Variants in PPP1R13L observed in about 807,000 individuals in gnomAD.
PPP1R13L encodes the protein relA-associated inhibitor.
A neutral mutation model predicts 80.9 loss-of-function variants in PPP1R13L; 50 were observed. That is an observed-to-expected ratio of 0.62 (90% confidence interval 0.49 to 0.78). The LOEUF (loss-of-function observed/expected upper bound fraction) is 0.78, where lower values mean the gene tolerates loss of function less well. Among genes scored for constraint, PPP1R13L ranks in the 30% least tolerant of loss-of-function variants. PPP1R13L has a pLI of 0.00. For missense variants in PPP1R13L, 1,200 were observed against 1,205.9 expected, an observed-to-expected ratio of 1.00 and a Z score of 0.07; for synonymous variants, 602 against 534.3, an observed-to-expected ratio of 1.13 and a Z score of -1.75.
chr19:45,389,881 C>T (rs1266964248), intron 8 of PPP1R13L, among the ~76,000 whole-genome samples: 2 of 151,834 alleles, frequency 1.3e-5, no homozygotes, highest in East Asian at 1.9e-4. Flanking sequence ...CCACAAGCTC[C>T]GCCTCCCGGG....
At chr19:45,387,893 G>A (rs1041838092) in intron 8 of PPP1R13L, among the ~76,000 whole-genome samples, 6 of 152,106 alleles carry the variant, frequency 3.9e-5, no homozygotes, top group Non-Finnish European at 5.9e-5. Flanking sequence ...GGCTGGGTGC[G>A]GTGGCTCATG....
intron 3 of PPP1R13L, 116 bp from the exon 4 acceptor site, chr19:45,397,174 C>G (rs558665152): frequency 4.6e-4 from 395 of 860,322 alleles, no homozygotes; most frequent in Non-Finnish European, 5.8e-4. Flanking sequence ...GGAGGCTGAC[C>G]GGCCATGGAA....
At chr19:45,392,458 T>C in intron 7 of PPP1R13L, 118 bp from the exon 8 acceptor site, 4 of 1,043,184 alleles carry the variant, frequency 3.8e-6, no homozygotes, top group Non-Finnish European at 5.8e-6. Flanking sequence ...TCAGGGAAGT[T>C]CCTTGCCCTC....
In PPP1R13L at chr19:45,396,245, C is replaced by T; in HGVS notation, c.826G>A (p.Ala276Thr). The change falls in exon 6 of 13, where the codon GCA becomes ACA. Residue 276 changes from alanine (A) to threonine (T), a missense_variant. Physicochemically the swap from Ala to Thr is moderately conservative, Grantham distance 58. Transcript: ENST00000360957. The surrounding 1 kb of genome is among the most constrained non-coding windows in gnomAD (Gnocchi z 5.3). ...TASYERLDVF[A>T]RPASPSLQLL... is the part of the protein sequence containing the mutation. ...TGCAGGCTCGGCGAGGCAGGCCTTG[C>T]GAAGACGTCCAGGCCTGCGGGGCGG... 1.2e-6 allele frequency: 2 copies of T among 1,610,224 alleles called. No homozygotes were observed. The highest frequency in any genetic ancestry group is 1.3e-5 in the African/African-American group (1 of 75,002).
chr19:45,404,347 C>T (rs1313973962), intron 1 of PPP1R13L, among the ~76,000 whole-genome samples: 2 of 152,208 alleles, frequency 1.3e-5, no homozygotes, highest in African/African-American at 4.8e-5. Flanking sequence ...GATGTCCCTT[C>T]TCTGGTTAGG....
chr19:45,391,804 A>G (rs1418475270), intron 8 of PPP1R13L, 76 bp downstream of exon 8: 12 of 1,188,460 alleles, frequency 1.0e-5, no homozygotes, highest in South Asian at 2.0e-5. Context: ...CTAAGCCACT[A>G]TATTTGGGGG....
At chr19:45,382,299 G>A (rs562663567) in intron 12 of PPP1R13L, among the ~76,000 whole-genome samples, 1 of 151,332 alleles carries the variant, frequency 6.6e-6, no homozygotes, top group East Asian at 1.9e-4. Context: ...TAAAATAAAG[G>A]GCTTTTCCTC....
rs200268967 is a variant in PPP1R13L, at chr19:45,396,325, C to T, written c.811+13G>A. 1.9e-5 allele frequency: 31 copies of T among 1,614,050 alleles called. No homozygotes were observed. The East Asian group carries it at 6.5e-4, about 34-fold the overall frequency. Reference sequence around the variant, plus strand: ...CCTCCGGGTCCTCCATTCCCCGGGCCTCCACCACTCACGTTCATAGCTCGC... The same window carrying T: ...CCTCCGGGTCCTCCATTCCCCGGGCTTCCACCACTCACGTTCATAGCTCGC... On this transcript the variant is annotated intron_variant, in intron 5 of 12. Coordinates refer to ENST00000360957, the MANE Select transcript of PPP1R13L (RefSeq NM_006663.4). The surrounding 1 kb of genome is among the most constrained non-coding windows in gnomAD (Gnocchi z 5.3).
intron 1 of PPP1R13L, among the ~76,000 whole-genome samples, chr19:45,400,346 C>T (rs1266092503): frequency 6.6e-6 from 1 of 151,924 alleles, no homozygotes; most frequent in South Asian, 2.1e-4. Flanking sequence ...CAGCACCATC[C>T]CTATCCCCAT....
intron 8 of PPP1R13L, among the ~76,000 whole-genome samples, chr19:45,386,927 T>C (rs1208030629): frequency 6.6e-6 from 1 of 151,176 alleles, no homozygotes; most frequent in Non-Finnish European, 1.5e-5. Context: ...TGAGCCACTG[T>C]GCCCAGCCTC....
intron 7 of PPP1R13L, chr19:45,392,895 G>A (rs1973005754): frequency 5.3e-6 from 1 of 186,946 alleles, no homozygotes; most frequent in South Asian, 9.4e-5. Flanking sequence ...GCTGAGTCGA[G>A]TGGCTCACAC....
At chr19:45,385,413 C>T (rs773146790) in intron 11 of PPP1R13L, 149 bp downstream of exon 11, 32 of 948,072 alleles carry the variant, frequency 3.4e-5, no homozygotes, top group Non-Finnish European at 4.3e-5. Context: ...CCCCCGCAAG[C>T]GGTCCATCCC....
intron 7 of PPP1R13L, chr19:45,395,217 G>A (rs993332453): frequency 4.9e-6 from 3 of 612,144 alleles, no homozygotes; most frequent in Non-Finnish European, 8.7e-6. Flanking sequence ...GTCACACAGC[G>A]TGGAACCAGG....
intron 11 of PPP1R13L, among the ~76,000 whole-genome samples, chr19:45,384,084 C>CTTTTT (rs1180833642): frequency 6.9e-6 from 1 of 145,202 alleles, no homozygotes; most frequent in East Asian, 2.0e-4. Context: ...CTTTTCTTTT[C>CTTTTT]TTTTTTTTTT....
At chr19:45,392,403 A>G (rs1290169347) in intron 7 of PPP1R13L, 63 bp from the exon 8 acceptor site, 2 of 1,517,668 alleles carry the variant, frequency 1.3e-6, no homozygotes, top group Admixed American at 1.7e-5. Flanking sequence ...CTCCCTCTCC[A>G]CAACTTCCAG....
chr19:45,380,220 G>A lies in PPP1R13L; in HGVS notation c.2457C>T (p.Pro819=). 1.9e-6 allele frequency: 3 copies of A among 1,613,966 alleles called. No homozygotes were observed. The highest frequency in any genetic ancestry group is 2.5e-6 in the Non-Finnish European group (3 of 1,179,964). ...YVPRNYFGLF[P]RVKPQRSKV Reference sequence around the variant, plus strand: ...CTTTACTCCTTTGAGGCTTCACCCTGGGGAACAGCTGGGGAGAGACAGGAT... The same window carrying A: ...CTTTACTCCTTTGAGGCTTCACCCTAGGGAACAGCTGGGGAGAGACAGGAT... Residue 819 remains proline (P), a synonymous_variant, in exon 13 of 13, where the codon CCC becomes CCT. Coordinates refer to ENST00000360957, the MANE Select transcript of PPP1R13L (RefSeq NM_006663.4).
rs776304474 is a variant in PPP1R13L, at chr19:45,382,683, G to A, written c.2292C>T (p.Tyr764=). 6 of 1,614,032 alleles carry A rather than the reference G, an allele frequency of 3.7e-6. 1 individual carries two copies. The highest frequency in any genetic ancestry group is 8.5e-7 in the Non-Finnish European group (1 of 1,180,048). ...SMGLMNSGAV[Y]ALWDYSAEFG... ...ACTCGGCGCTGTAGTCCCAGAGAGCGTACACTGCCCCGCTGTTCATCAGCC... is the reference window on the plus strand; with the variant it reads ...ACTCGGCGCTGTAGTCCCAGAGAGCATACACTGCCCCGCTGTTCATCAGCC... Residue 764 remains tyrosine, a synonymous_variant, in exon 12 of 13, where the codon TAC becomes TAT. Coordinates refer to ENST00000360957, the MANE Select transcript of PPP1R13L (RefSeq NM_006663.4).
At position 45,396,685 on chromosome 19, in the gene PPP1R13L, T is replaced by C. The variant is rs2123386659; in HGVS notation, c.572A>G (p.Glu191Gly). ...AGSPRGSPLA[E>G]GPQAFFPERG... Reference sequence around the variant, plus strand: ...CTCGGGGAAGAAGGCCTGGGGCCCCTCCGCCAGGGGGCTGCCGCGGGGGGA... The same window carrying C: ...CTCGGGGAAGAAGGCCTGGGGCCCCCCCGCCAGGGGGCTGCCGCGGGGGGA... The change falls in exon 4 of 13, where the codon GAG (glutamate) becomes GGG (glycine). Residue 191 changes from glutamate to glycine, a missense_variant. By Grantham distance (98) the Glu-to-Gly change is moderately conservative. Coordinates refer to ENST00000360957, the MANE Select transcript of PPP1R13L (RefSeq NM_006663.4). The surrounding 1 kb of genome is among the most constrained non-coding windows in gnomAD (Gnocchi z 5.3). 7.0e-7 allele frequency: 1 copy of C among 1,419,442 alleles called. No individual in the cohort carries two copies. The highest frequency in any genetic ancestry group is 9.1e-7 in the Non-Finnish European group (1 of 1,096,862). 87.9% of individuals were successfully genotyped at this position (1,419,442 alleles called of 1,614,324 possible).
rs565959710 is a variant in PPP1R13L at position 45,396,681 on chromosome 19, C to T, written c.576G>A (p.Gly192=). ...GSPRGSPLAE[G]PQAFFPERGP... ...CACGCTCGGGGAAGAAGGCCTGGGG[C>T]CCCTCCGCCAGGGGGCTGCCGCGGG... Residue 192 remains glycine, a synonymous_variant, in exon 4 of 13, where the codon GGG becomes GGA. Transcript: ENST00000360957. This position sits in a 1 kb window ranked among gnomAD's most constrained non-coding sequence, Gnocchi z 5.3. 64 of 1,433,348 alleles carry T rather than the reference C, an allele frequency of 4.5e-5. No homozygotes were observed. In the South Asian group the frequency reaches 8.6e-4, roughly 19 times the overall value. The allele number at this position is 1,433,348 out of a possible 1,614,324, so 88.8% of individuals were successfully genotyped here.
Sources: gnomAD v4.1 joint callset for allele counts (sites outside exome capture counted in the v4.1 genomes callset) on GRCh38, gnomAD v4.1.1 for gene constraint, Gnocchi (gnomAD v3.1) non-coding constraint, MANE v1.5 for transcripts, NCBI Gene and HGNC (gene_info 2026-07-23, HGNC 2026-07-21) for gene names.